MAPRE3: variants seen among roughly 807,000 people sequenced by gnomAD.
The protein encoded by MAPRE3 is microtubule-associated protein RP/EB family member 3.
Under a neutral mutation model 30.5 loss-of-function variants are expected in MAPRE3, and 2 were observed. The ratio of observed to expected loss-of-function variants is 0.07; its 90% CI spans 0.03 to 0.21. The LOEUF is 0.21. Among genes scored for constraint, MAPRE3 ranks in the 10% least tolerant of loss-of-function variants. The probability of loss-of-function intolerance (pLI) is 1.00; values close to 1 mark genes in which losing one functional copy is unlikely to be tolerated. For missense variants in MAPRE3, 204 were observed against 351.8 expected (o/e 0.58, Z 3.36); for synonymous variants, 110 against 127.7 (o/e 0.86, Z 0.93).
chr2:27,017,909 A>G lies in MAPRE3; in HGVS notation c.-7-4303A>G, dbSNP rs1323052876. Among the ~76,000 whole-genome samples, 7 of 152,170 alleles carry G rather than the reference A, an allele frequency of 4.6e-5. No individual in the cohort carries two copies. The East Asian group carries it at 9.6e-4, about 21-fold the overall frequency. On this transcript the variant is annotated intron_variant, in intron 1 of 6. Coordinates refer to ENST00000233121, the MANE Select transcript of MAPRE3 (RefSeq NM_012326.4). ...CACTGTAGCCTCTTGAAGTCTCTGCAGGAGAAGCCAGTGGACTCTCCTAGT... is the reference window on the plus strand; with the variant it reads ...CACTGTAGCCTCTTGAAGTCTCTGCGGGAGAAGCCAGTGGACTCTCCTAGT...
intron 1 of MAPRE3, among the ~76,000 whole-genome samples, chr2:26,976,232 G>A (rs1666011529): frequency 6.6e-6 from 1 of 152,166 alleles, no homozygotes; most frequent in African/African-American, 2.4e-5. Context: ...GGAATTACTG[G>A]TAAACTCTGA....
chr2:26,981,796 C>T (rs1666118308), intron 1 of MAPRE3, among the ~76,000 whole-genome samples: 1 of 151,986 alleles, frequency 6.6e-6, no homozygotes, highest in Non-Finnish European at 1.5e-5. Context: ...GCCAGCAGCC[C>T]TCCTCCACCT....
intron 1 of MAPRE3, among the ~76,000 whole-genome samples, chr2:27,011,584 G>A (rs1409347561): frequency 6.6e-6 from 1 of 152,166 alleles, no homozygotes; most frequent in African/African-American, 2.4e-5. Context: ...GGTGGCTCAT[G>A]CCTGTAATCC....
intron 1 of MAPRE3, among the ~76,000 whole-genome samples, chr2:26,983,595 T>C (rs962182796): frequency 1.4e-4 from 21 of 152,194 alleles, no homozygotes; most frequent in African/African-American, 4.8e-4. Flanking sequence ...AAGATCCCAT[T>C]TGTACCTTTA....
intron 2 of MAPRE3, 96 bp from the exon 3 acceptor site, chr2:27,023,236 G>GGA: frequency 7.3e-7 from 1 of 1,370,962 alleles, no homozygotes; most frequent in Non-Finnish European, 9.9e-7. Context: ...CCCAGAACAA[G>GGA]GAGAGAGAAG....
Position 26,970,763 on chromosome 2 carries a change from C to T in MAPRE3, c.-47C>T, listed in dbSNP as rs1665898535. 6.6e-6 allele frequency: 1 copy of T among 152,600 alleles called. No homozygotes were observed. Among genetic ancestry groups the T allele is most frequent in the South Asian group, 2.0e-4 (1 of 4,960 alleles). 9.5% of individuals were successfully genotyped at this position (152,600 alleles called of 1,614,324 possible). A position where few individuals can be genotyped will look rare whatever the true frequency, so the allele number is the denominator to read the frequency against. Reference sequence around the variant, plus strand: ...CTGCCGCAGCGCCCCCGCCACCTGTCCCCTCCCCCTCCGCCTCCGCCGGAG... The same window carrying T: ...CTGCCGCAGCGCCCCCGCCACCTGTTCCCTCCCCCTCCGCCTCCGCCGGAG... On this transcript the variant is annotated 5_prime_UTR_variant, in exon 1 of 7. Coordinates refer to ENST00000233121, the MANE Select transcript of MAPRE3 (RefSeq NM_012326.4).
At chr2:26,992,377 C>A (rs1317066092) in intron 1 of MAPRE3, among the ~76,000 whole-genome samples, 1 of 142,486 alleles carries the variant, frequency 7.0e-6, no homozygotes, top group African/African-American at 2.6e-5. Context: ...CAGGCATGCA[C>A]CACCACGCCT....
chr2:26,991,178 G>A (rs575320045), intron 1 of MAPRE3, among the ~76,000 whole-genome samples: 5 of 152,274 alleles, frequency 3.3e-5, no homozygotes, highest in South Asian at 4.2e-4. Context: ...GGTGTGAACC[G>A]GGAAGGCAGA....
intron 1 of MAPRE3, among the ~76,000 whole-genome samples, chr2:27,020,916 C>G (rs1334194771): frequency 2.0e-5 from 3 of 152,138 alleles, no homozygotes; most frequent in Non-Finnish European, 2.9e-5. Context: ...AGAGAAAATA[C>G]AGTCAGCCCT....
At chr2:27,004,304 T>C (rs1216066719) in intron 1 of MAPRE3, among the ~76,000 whole-genome samples, 1 of 152,214 alleles carries the variant, frequency 6.6e-6, no homozygotes, top group Non-Finnish European at 1.5e-5. Flanking sequence ...ACAGGGCTAC[T>C]ATTTAGGTAG....
chr2:26,970,816 G>C lies in MAPRE3; in HGVS notation c.-8+14G>C, dbSNP rs988374969. 6.8e-6 allele frequency: 1 copy of C among 147,880 alleles called. No homozygotes were observed. The highest frequency in any genetic ancestry group is 1.5e-5 in the Non-Finnish European group (1 of 67,562). 9.2% of individuals were successfully genotyped at this position (147,880 alleles called of 1,614,324 possible). A position where few individuals can be genotyped will look rare whatever the true frequency, so the allele number is the denominator to read the frequency against. On this transcript the variant is annotated intron_variant, in intron 1 of 6. Transcript: ENST00000233121. Reference sequence around the variant, plus strand: ...GCCTCGTGCACTGTGAGTCCGGGCCGAGGCGACGGACGCCGTGGGGCTGAG... The same window carrying C: ...GCCTCGTGCACTGTGAGTCCGGGCCCAGGCGACGGACGCCGTGGGGCTGAG...
chr2:27,000,049 A>G (rs1666557609), intron 1 of MAPRE3, among the ~76,000 whole-genome samples: 1 of 152,204 alleles, frequency 6.6e-6, no homozygotes, highest in African/African-American at 2.4e-5. Flanking sequence ...TCTTTCTACC[A>G]ATTCTCAGTT....
chr2:27,004,998 TA>T (rs1374024281), intron 1 of MAPRE3, among the ~76,000 whole-genome samples: 1 of 152,068 alleles, frequency 6.6e-6, no homozygotes. Flanking sequence ...ATTTTAAAGA[TA>T]AAAAAATACT....
At chr2:27,018,895 T>TTTTTTTTA (rs376046795) in intron 1 of MAPRE3, among the ~76,000 whole-genome samples, 3 of 146,850 alleles carry the variant, frequency 2.0e-5, no homozygotes, top group Non-Finnish European at 3.0e-5. Context: ...GCACACACAT[T>TTTTTTTTA]TTTATTTATT....
chr2:27,000,863 A>G (rs921584974), intron 1 of MAPRE3, among the ~76,000 whole-genome samples: 1 of 152,280 alleles, frequency 6.6e-6, no homozygotes, highest in Admixed American at 6.5e-5. Flanking sequence ...TTATCTTGGC[A>G]ACTATTGTCA....
chr2:27,017,448 T>C (rs1269479815), intron 1 of MAPRE3, among the ~76,000 whole-genome samples: 1 of 152,090 alleles, frequency 6.6e-6, no homozygotes, highest in African/African-American at 2.4e-5. Flanking sequence ...GACCCTAGAG[T>C]CAGACCGAAG....
chr2:27,005,821 A>G (rs1163124279), intron 1 of MAPRE3, among the ~76,000 whole-genome samples: 1 of 152,232 alleles, frequency 6.6e-6, no homozygotes, highest in East Asian at 1.9e-4. Flanking sequence ...GAATTGTTGT[A>G]TATTTTCAGT....
chr2:27,025,445 C>T (rs1252881349), intron 4 of MAPRE3, 138 bp from the exon 5 acceptor site: 7 of 852,690 alleles, frequency 8.2e-6, no homozygotes, highest in African/African-American at 1.7e-5. Flanking sequence ...TGTAGATGCC[C>T]TTCCTGGGGT....
intron 1 of MAPRE3, among the ~76,000 whole-genome samples, chr2:26,976,385 G>A (rs1204694120): frequency 6.6e-6 from 1 of 152,230 alleles, no homozygotes; most frequent in African/African-American, 2.4e-5. Flanking sequence ...CAGGAGTTAG[G>A]ATGGGTTATG....
Sources: gnomAD v4.1 joint callset for allele counts (sites outside exome capture counted in the v4.1 genomes callset) on GRCh38, gnomAD v4.1.1 for gene constraint, MANE v1.5 for transcripts, NCBI Gene and HGNC (gene_info 2026-07-23, HGNC 2026-07-21) for gene names.